The following MAGT1 variants were observed in gnomAD, a reference collection of about 807,000 sequenced individuals.
MAGT1 encodes dolichyl-diphosphooligosaccharide--protein glycosyltransferase subunit MAGT1.
A neutral mutation model predicts 28.4 loss-of-function variants in MAGT1; 4 were observed. That is an observed-to-expected ratio of 0.14 (90% CI 0.07 to 0.32). The LOEUF is 0.32. Ranked by LOEUF, MAGT1 falls within the 10% of genes least tolerant of loss-of-function variation. MAGT1 has a pLI of 1.00. For synonymous variants in MAGT1, 89 were observed against 89.7 expected (o/e 0.99, Z 0.04); for missense variants, 193 against 264.5 (o/e 0.73, Z 1.88).
intron 7 of MAGT1, among the ~76,000 whole-genome samples, chrX:77,845,077 C>T (rs1238476529): frequency 2.7e-5 from 3 of 111,031 alleles, no homozygotes; most frequent in Admixed American, 1.9e-4. Flanking sequence ...GTGTGGGAGT[C>T]TAAGTCTCTT....
chrX:77,853,750 A>T, intron 7 of MAGT1, 151 bp downstream of exon 7: 1 of 508,439 alleles, frequency 2.0e-6, no homozygotes, highest in South Asian at 2.8e-5. Flanking sequence ...TCTTTGGTTT[A>T]TTGGGCTGGA....
intron 3 of MAGT1, among the ~76,000 whole-genome samples, chrX:77,860,608 C>G (rs1421501854): frequency 9.2e-6 from 1 of 109,170 alleles, no homozygotes; most frequent in African/African-American, 3.3e-5. Context: ...ATGGCGAAAC[C>G]CTGTCTCTAC....
At chrX:77,858,259 C>T (rs1384311322) in intron 3 of MAGT1, among the ~76,000 whole-genome samples, 18 of 111,121 alleles carry the variant, frequency 1.6e-4, no homozygotes, top group African/African-American at 5.9e-4. Flanking sequence ...GGCAGGATCT[C>T]GGTTCACTGC....
At chrX:77,877,725 A>G (rs970652411) in intron 1 of MAGT1, among the ~76,000 whole-genome samples, 24 of 107,705 alleles carry the variant, frequency 2.2e-4, no homozygotes, top group Non-Finnish European at 3.3e-4. Flanking sequence ...AGGCAGGAGA[A>G]TCGCTTGAAC....
At chrX:77,895,550 C>T (rs1308288838), upstream of MAGT1, 3 of 1,090,408 alleles carry the variant, frequency 2.8e-6, no homozygotes, top group African/African-American at 3.6e-5. Flanking sequence ...CATTACGTCA[C>T]AGCGCGCTGG....
chrX:77,857,257 TAC>T (rs2076983588), intron 4 of MAGT1, 98 bp downstream of exon 4: 1 of 1,028,579 alleles, frequency 9.7e-7, no homozygotes, highest in African/African-American at 1.9e-5. Context: ...GCCAAACTAG[TAC>T]CACCTCAGTG....
intron 8 of MAGT1, among the ~76,000 whole-genome samples, chrX:77,837,930 G>T (rs1248075436): frequency 1.8e-5 from 2 of 110,620 alleles, no homozygotes; most frequent in African/African-American, 6.6e-5. Flanking sequence ...TTTAGAGACG[G>T]GGTTTCGCCA....
intron 2 of MAGT1, among the ~76,000 whole-genome samples, chrX:77,872,213 T>C (rs977445266): frequency 1.8e-5 from 2 of 110,174 alleles, no homozygotes; most frequent in Non-Finnish European, 3.8e-5. Flanking sequence ...CAGCTAATTT[T>C]TGTATTTTTA....
chrX:77,859,470 T>A (rs1469566298), intron 3 of MAGT1, among the ~76,000 whole-genome samples: 1 of 112,345 alleles, frequency 8.9e-6, no homozygotes, highest in African/African-American at 3.2e-5. Context: ...CTAAAAATAA[T>A]GTTGCAGTGA....
At chrX:77,848,941 G>C (rs190578610) in intron 7 of MAGT1, among the ~76,000 whole-genome samples, 2 of 109,914 alleles carry the variant, frequency 1.8e-5, no homozygotes, top group Non-Finnish European at 3.8e-5. Flanking sequence ...TTGATTCTGG[G>C]AGGTCGAGGT....
At chrX:77,881,439 G>A (rs1221261672) in intron 1 of MAGT1, among the ~76,000 whole-genome samples, 2 of 67,138 alleles carry the variant, frequency 3.0e-5, no homozygotes, top group South Asian at 7.2e-4. Context: ...AACAGGCCCC[G>A]GTGTGTGATG....
intron 9 of MAGT1, 87 bp from the exon 10 acceptor site, chrX:77,829,322 C>T: frequency 1.2e-6 from 1 of 807,456 alleles, no homozygotes; most frequent in South Asian, 2.3e-5. Context: ...TTGGTTTTAA[C>T]AGATAAAAGA....
rs1486304754 is a variant in MAGT1 at position 77,844,021 on chromosome X, G to A, written c.827-2701C>T. On this transcript the variant is annotated intron_variant, in intron 7 of 9. Transcript: ENST00000618282. ...TGATTGGAATAGTTTCAGAAGGAAT[G>A]GTACCAGCTCCTCCTTGTACCTCTG... is the stretch of plus-strand genomic sequence containing the variant. Among the ~76,000 whole-genome samples the A allele has an allele frequency of 1.3e-4, 14 of 111,631 alleles. 1 individual carries two copies. The highest frequency in any genetic ancestry group is 1.9e-4 in the Admixed American group (2 of 10,413).
chrX:77,833,218 G>C (rs1435111237), intron 8 of MAGT1, among the ~76,000 whole-genome samples: 1 of 112,308 alleles, frequency 8.9e-6, no homozygotes, highest in African/African-American at 3.2e-5. Flanking sequence ...TTCGAGAATG[G>C]TGTAAACATT....
chrX:77,890,383 A>G (rs1304224194), intron 1 of MAGT1, among the ~76,000 whole-genome samples: 1 of 112,020 alleles, frequency 8.9e-6, no homozygotes, highest in Non-Finnish European at 1.9e-5. Context: ...AGCATTTTTA[A>G]TCCTTAAATG....
chrX:77,832,509 A>G (rs138809590), intron 8 of MAGT1, among the ~76,000 whole-genome samples: 1,142 of 111,579 alleles, frequency 0.01, 6 homozygotes, highest in South Asian at 0.051. Context: ...AGTTTGTTCT[A>G]GGGTAACATA....
chrX:77,868,680 C>A (rs1302818561), intron 3 of MAGT1: 2 of 302,550 alleles, frequency 6.6e-6, no homozygotes, highest in East Asian at 1.1e-4. Flanking sequence ...ATTAACCAGG[C>A]GTGGTGGCAA....
intron 7 of MAGT1, among the ~76,000 whole-genome samples, chrX:77,849,369 C>G (rs781874914): frequency 9.1e-6 from 1 of 110,066 alleles, no homozygotes; most frequent in African/African-American, 3.3e-5. Flanking sequence ...CATGAGCCAC[C>G]GCACCCAGCC....
chrX:77,876,763 C>T (rs1193817806), intron 1 of MAGT1, among the ~76,000 whole-genome samples: 5 of 111,366 alleles, frequency 4.5e-5, no homozygotes, highest in Non-Finnish European at 9.4e-5. Flanking sequence ...GCCTGTAATC[C>T]CAGCACTTTG....
Sources: allele counts gnomAD v4.1 joint callset (sites outside exome capture counted in the v4.1 genomes callset), GRCh38; gene constraint gnomAD v4.1.1; transcripts MANE v1.5; gene names NCBI Gene and HGNC (gene_info 2026-07-23, HGNC 2026-07-21).